The following TENM3 variants were observed in gnomAD, a reference collection of about 807,000 sequenced individuals.
The protein encoded by TENM3 is teneurin transmembrane protein 3.
A neutral mutation model predicts 255.1 loss-of-function variants in TENM3; 63 were observed. The observed-to-expected ratio is 0.25, with a 90% confidence interval of 0.20 to 0.30. The LOEUF is 0.30. Among genes scored for constraint, TENM3 ranks in the 10% least tolerant of loss-of-function variants. The pLI is 1.00. For synonymous variants in TENM3, 1,306 were observed against 1,322.3 expected, an observed-to-expected ratio of 0.99 and a Z score of 0.27; for missense variants, 2,929 against 3,461.1, an observed-to-expected ratio of 0.85 and a Z score of 3.86.
intron 5 of TENM3, among the ~76,000 whole-genome samples, chr4:182,642,891 A>G (rs1009719614): frequency 2.0e-5 from 3 of 152,254 alleles, no homozygotes; most frequent in Non-Finnish European, 4.4e-5. Flanking sequence ...AGCATGCTAT[A>G]GAGTGTTGAA....
At chr4:182,146,684 A>G (rs886640993) in intron 1 of TENM3, among the ~76,000 whole-genome samples, 1 of 152,214 alleles carries the variant, frequency 6.6e-6, no homozygotes, top group African/African-American at 2.4e-5. Flanking sequence ...CACAGTTTTT[A>G]TAAAAAATGT....
chr4:182,342,153 T>A (rs1764524602), intron 2 of TENM3, among the ~76,000 whole-genome samples: 1 of 152,136 alleles, frequency 6.6e-6, no homozygotes, highest in Non-Finnish European at 1.5e-5. Context: ...TCAAGAGAAA[T>A]GAAGACATAT....
At chr4:181,747,903 A>G in the TENM3 span, among the ~76,000 whole-genome samples, 1 of 151,972 alleles carries the variant, frequency 6.6e-6, no homozygotes, top group Non-Finnish European at 1.5e-5. Flanking sequence ...TTTATTTCAA[A>G]TATTACTTAT....
intron 24 of TENM3, among the ~76,000 whole-genome samples, chr4:182,782,230 G>A (rs370972969): frequency 4.5e-4 from 33 of 73,596 alleles, no homozygotes; most frequent in African/African-American, 1.2e-3. Context: ...CTTTGAATGC[G>A]TCCCAGAGAT....
chr4:182,038,416 A>G, the TENM3 span, among the ~76,000 whole-genome samples: 2 of 152,236 alleles, frequency 1.3e-5, no homozygotes, highest in Non-Finnish European at 2.9e-5. Context: ...TTATCCACAT[A>G]ACAAACCCCT....
chr4:181,926,638 TG>T, the TENM3 span, among the ~76,000 whole-genome samples: 1 of 152,238 alleles, frequency 6.6e-6, no homozygotes, highest in African/African-American at 2.4e-5. Flanking sequence ...TTAATGAAAA[TG>T]GAGCTTTCTA....
intron 19 of TENM3, among the ~76,000 whole-genome samples, chr4:182,748,238 G>T (rs1216212391): frequency 1.3e-5 from 2 of 152,116 alleles, no homozygotes; most frequent in African/African-American, 4.8e-5. Context: ...TTTGCTATTA[G>T]TCAAAATTGT....
At chr4:182,230,338 G>C (rs1756478725) in intron 1 of TENM3, among the ~76,000 whole-genome samples, 2 of 151,990 alleles carry the variant, frequency 1.3e-5, no homozygotes, top group African/African-American at 4.8e-5. Flanking sequence ...GAGACCTCAG[G>C]GACCATGCTT....
At chr4:182,267,855 T>C (rs1349883310) in intron 1 of TENM3, among the ~76,000 whole-genome samples, 1 of 152,186 alleles carries the variant, frequency 6.6e-6, no homozygotes, top group African/African-American at 2.4e-5. Flanking sequence ...AAGAGAAATA[T>C]TATGTTTCAA....
the TENM3 span, among the ~76,000 whole-genome samples, chr4:182,066,597 A>ATATATATATATATATAT: frequency 4.1e-5 from 1 of 24,416 alleles, no homozygotes; most frequent in African/African-American, 6.6e-5. Flanking sequence ...TGGTAAAAAA[A>ATATATATATATATATAT]AAATATATAT....
At chr4:181,875,299 T>C in the TENM3 span, among the ~76,000 whole-genome samples, 1 of 152,214 alleles carries the variant, frequency 6.6e-6, no homozygotes, top group Non-Finnish European at 1.5e-5. Context: ...TATTTATAAA[T>C]CTTAATAATA....
At chr4:182,323,843 G>T in intron 1 of TENM3, 103 bp from the exon 2 acceptor site, 1 of 598,804 alleles carries the variant, frequency 1.7e-6, no homozygotes. Context: ...TCCTAGATAA[G>T]CAATACTATT....
intron 22 of TENM3, among the ~76,000 whole-genome samples, chr4:182,764,988 G>A (rs1763562499): frequency 6.6e-6 from 1 of 152,172 alleles, no homozygotes; most frequent in African/African-American, 2.4e-5. Context: ...GGCAAAAGAG[G>A]ATCAAGGATG....
intron 3 of TENM3, among the ~76,000 whole-genome samples, chr4:182,533,992 A>G (rs923091520): frequency 9.2e-5 from 14 of 152,220 alleles, no homozygotes; most frequent in African/African-American, 3.1e-4. Flanking sequence ...TTGTCACTGA[A>G]TGTGTAACAT....
At chr4:182,737,097 G>T (rs1369737526) in intron 17 of TENM3, 22 bp downstream of exon 17, 1 of 1,597,854 alleles carries the variant, frequency 6.3e-7, no homozygotes, top group Non-Finnish European at 8.5e-7. Flanking sequence ...ATAAATCTTT[G>T]CTGCAGTGAA....
At chr4:181,865,308 T>C in the TENM3 span, among the ~76,000 whole-genome samples, 1 of 152,342 alleles carries the variant, frequency 6.6e-6, no homozygotes, top group South Asian at 2.1e-4. Context: ...TTTTACATTT[T>C]ATTTCCAGAA....
chr4:181,918,024 T>C, the TENM3 span, among the ~76,000 whole-genome samples: 1 of 152,198 alleles, frequency 6.6e-6, no homozygotes, highest in East Asian at 1.9e-4. Context: ...GCTGAAAATA[T>C]TTTCTTAAGC....
chr4:182,764,782 G>A (rs1763536498), intron 22 of TENM3, among the ~76,000 whole-genome samples: 1 of 152,178 alleles, frequency 6.6e-6, no homozygotes, highest in Non-Finnish European at 1.5e-5. Flanking sequence ...GCTGGACTGC[G>A]TGGATCTTCC....
the TENM3 span, among the ~76,000 whole-genome samples, chr4:181,613,335 A>G: frequency 6.6e-6 from 1 of 152,230 alleles, no homozygotes; most frequent in Non-Finnish European, 1.5e-5. Flanking sequence ...CCACACTAGC[A>G]AAGCCCAGCT....
Sources: allele counts gnomAD v4.1 joint callset (sites outside exome capture counted in the v4.1 genomes callset), GRCh38; gene constraint gnomAD v4.1.1; transcripts MANE v1.5; gene names NCBI Gene and HGNC (gene_info 2026-07-23, HGNC 2026-07-21).